Variants in AGPS observed in about 807,000 individuals in gnomAD.
AGPS encodes the protein alkylglycerone phosphate synthase.
AGPS carries 26 observed loss-of-function variants against 90.7 expected under a neutral mutation model. The observed-to-expected ratio is 0.29, with a 90% CI of 0.21 to 0.40. AGPS has a LOEUF of 0.40. Among genes scored for constraint, AGPS ranks in the 10% least tolerant of loss-of-function variants. The pLI is 1.00. For missense variants in AGPS, 540 were observed against 816.1 expected (o/e 0.66, Z 4.12); for synonymous variants, 294 against 285.3 (o/e 1.03, Z -0.31).
At position 177,538,641 on chromosome 2, in the gene AGPS, G is replaced by T. The variant is rs898614414; in HGVS notation, c.*446G>T. 3 of 213,272 alleles carry T rather than the reference G, an allele frequency of 1.4e-5. No homozygotes were observed. The highest frequency in any genetic ancestry group is 1.5e-4 in the South Asian group (2 of 13,730). 13.2% of individuals were successfully genotyped at this position (213,272 alleles called of 1,614,324 possible). A position where few individuals can be genotyped will look rare whatever the true frequency, so the allele number is the denominator to read the frequency against. ...TGATACACGTGTACATTGTTTAAGA[G>T]CATAGTCTAGTGTGAGTAGGCCATT... On this transcript the variant is annotated 3_prime_UTR_variant, in exon 20 of 20. Coordinates refer to ENST00000264167, the MANE Select transcript of AGPS (RefSeq NM_003659.4).
At chr2:177,528,375 T>TTGATA (rs1164877697) in intron 19 of AGPS, among the ~76,000 whole-genome samples, 4 of 152,354 alleles carry the variant, frequency 2.6e-5, no homozygotes, top group African/African-American at 9.6e-5. Context: ...CAAGGATACA[T>TTGATA]TGTATATCAC....
At chr2:177,439,046 C>T (rs916158971) in intron 5 of AGPS, among the ~76,000 whole-genome samples, 1 of 152,050 alleles carries the variant, frequency 6.6e-6, no homozygotes, top group African/African-American at 2.4e-5. Context: ...TGGCTTTGAT[C>T]TGAATCGGAA....
In AGPS at chr2:177,513,969, G is replaced by A. The variant is rs1688953388; in HGVS notation, c.1697+61G>A. On this transcript the variant is annotated intron_variant, in intron 17 of 19. Transcript: ENST00000264167. ...TGAAAAAAATGTTTTTTTTAATCAA[G>A]GGGGGGAATATAATTTTCCAGCTGA... The A allele has an allele frequency of 5.6e-6, 7 of 1,240,608 alleles. No individual in the cohort carries two copies. The East Asian group carries it at 1.4e-4, about 25-fold the overall frequency. 76.9% of individuals were successfully genotyped at this position (1,240,608 alleles called of 1,614,324 possible). A position where few individuals can be genotyped will look rare whatever the true frequency, so the allele number is the denominator to read the frequency against.
At chr2:177,515,048 A>G (rs1050927694) in intron 17 of AGPS, among the ~76,000 whole-genome samples, 2 of 150,182 alleles carry the variant, frequency 1.3e-5, no homozygotes, top group South Asian at 2.1e-4. Flanking sequence ...CATTCGAGAT[A>G]TCTGAAGGAA....
At chr2:177,494,336 A>G (rs1238761774) in intron 12 of AGPS, among the ~76,000 whole-genome samples, 1 of 152,184 alleles carries the variant, frequency 6.6e-6, no homozygotes, top group Non-Finnish European at 1.5e-5. Context: ...CTTTAAGTAA[A>G]TTACTTTCAA....
At chr2:177,398,492 T>C (rs1685246089) in intron 1 of AGPS, among the ~76,000 whole-genome samples, 1 of 152,202 alleles carries the variant, frequency 6.6e-6, no homozygotes, top group Non-Finnish European at 1.5e-5. Context: ...ATTTGTGAAA[T>C]GAAAGAGATG....
At chr2:177,418,253 A>G (rs1455295574) in intron 1 of AGPS, among the ~76,000 whole-genome samples, 1 of 152,084 alleles carries the variant, frequency 6.6e-6, no homozygotes, top group African/African-American at 2.4e-5. Context: ...CAGGATGTAA[A>G]TCCCTTCATT....
chr2:177,475,095 G>T (rs1460616054), intron 10 of AGPS, among the ~76,000 whole-genome samples: 1 of 152,138 alleles, frequency 6.6e-6, no homozygotes, highest in East Asian at 1.9e-4. Context: ...GCAAATAGAA[G>T]AGATGATTCA....
intron 1 of AGPS, among the ~76,000 whole-genome samples, chr2:177,413,476 G>A (rs995428530): frequency 6.6e-6 from 1 of 152,228 alleles, no homozygotes; most frequent in African/African-American, 2.4e-5. Context: ...CAAGCATGGA[G>A]TGAGCAATGA....
intron 13 of AGPS, among the ~76,000 whole-genome samples, chr2:177,498,624 A>G (rs1688476501): frequency 6.8e-6 from 1 of 146,662 alleles, no homozygotes. Context: ...ACTAAATGAG[A>G]ATTTAAAAAA....
Position 177,482,046 on chromosome 2 carries a change from T to C in AGPS, c.1106-13T>C. On this transcript the variant is annotated splice_polypyrimidine_tract_variant and intron_variant, in intron 10 of 19. Coordinates refer to ENST00000264167, the MANE Select transcript of AGPS (RefSeq NM_003659.4). ...ATGTGATGTACTGGATTATTCCCCC[T>C]TCTTTTTTTCAGGAACTCTTGGTGT... is the stretch of plus-strand genomic sequence containing the variant. The C allele has an allele frequency of 6.3e-7, 1 of 1,592,962 alleles. No individual in the cohort carries two copies. The highest frequency in any genetic ancestry group is 8.6e-7 in the Non-Finnish European group (1 of 1,166,346).
intron 19 of AGPS, among the ~76,000 whole-genome samples, chr2:177,526,227 C>CTTTTTTTTTT (rs749224337): frequency 8.0e-6 from 1 of 124,302 alleles, no homozygotes; most frequent in African/African-American, 3.0e-5. Flanking sequence ...AGCTTCTTGT[C>CTTTTTTTTTT]TTTTTTTTTT....
At chr2:177,524,416 C>CA (rs2079062136) in intron 19 of AGPS, among the ~76,000 whole-genome samples, 2 of 152,084 alleles carry the variant, frequency 1.3e-5, no homozygotes, top group African/African-American at 2.4e-5. Flanking sequence ...TGAGGCAACC[C>CA]TTTAAAACTT....
At chr2:177,398,471 TA>T (rs1325924866) in intron 1 of AGPS, among the ~76,000 whole-genome samples, 1 of 152,228 alleles carries the variant, frequency 6.6e-6, no homozygotes, top group African/African-American at 2.4e-5. Flanking sequence ...TTAATTTATC[TA>T]AGGCCTTGCA....
In AGPS at chr2:177,441,348, T is replaced by C. The variant is rs575279279; in HGVS notation, c.709+312T>C. 1.2e-3 allele frequency: 316 copies of C among 270,216 alleles called. 2 individuals are homozygous for C. The highest frequency in any genetic ancestry group is 1.8e-3 in the Non-Finnish European group (254 of 142,190). 16.7% of individuals were successfully genotyped at this position (270,216 alleles called of 1,614,324 possible). A position where few individuals can be genotyped will look rare whatever the true frequency, so the allele number is the denominator to read the frequency against. On this transcript the variant is annotated intron_variant, in intron 6 of 19. Transcript: ENST00000264167. ...ACCTGTATATTTATGGAGAGAATTT[T>C]CTTTTTCAAAAGCTAAATATAAATA...
At chr2:177,535,937 A>G (rs535188226) in intron 19 of AGPS, among the ~76,000 whole-genome samples, 1 of 152,044 alleles carries the variant, frequency 6.6e-6, no homozygotes, top group South Asian at 2.1e-4. Flanking sequence ...CACTAATCAA[A>G]TGTATATTAG....
chr2:177,455,760 T>C (rs1687092619), intron 8 of AGPS, among the ~76,000 whole-genome samples: 1 of 133,784 alleles, frequency 7.5e-6, no homozygotes, highest in South Asian at 2.6e-4. Context: ...AATTTCAGTT[T>C]CCTTTACTAT....
At chr2:177,462,040 A>G (rs771492096) in intron 9 of AGPS, 22 bp downstream of exon 9, 1 of 1,568,764 alleles carries the variant, frequency 6.4e-7, no homozygotes, top group Non-Finnish European at 8.7e-7. Context: ...TCTAGTTATT[A>G]TGTAATAATT....
intron 6 of AGPS, 133 bp from the exon 7 acceptor site, chr2:177,442,274 A>AT (rs1686630112): frequency 1.4e-6 from 1 of 715,364 alleles, no homozygotes; most frequent in Admixed American, 2.2e-5. Flanking sequence ...TGCAAGTTGT[A>AT]TTTTGCAAAG....
Sources: allele counts gnomAD v4.1 joint callset (sites outside exome capture counted in the v4.1 genomes callset), GRCh38; gene constraint gnomAD v4.1.1; transcripts MANE v1.5; gene names NCBI Gene and HGNC (gene_info 2026-07-23, HGNC 2026-07-21).